NRG1: variants seen among roughly 807,000 people sequenced by gnomAD.
NRG1 encodes pro-neuregulin-1, membrane-bound isoform.
In NRG1, 18 loss-of-function variants were observed where a neutral mutation model predicts 63.8. The observed-to-expected ratio is 0.28, with a 90% CI of 0.19 to 0.42. The LOEUF is 0.42. Among genes scored for constraint, NRG1 ranks in the 10% least tolerant of loss-of-function variants. The pLI is 1.00. For missense variants in NRG1, 762 were observed against 814.7 expected, an observed-to-expected ratio of 0.94 and a Z score of 0.79; for synonymous variants, 302 against 301.3, an observed-to-expected ratio of 1.00 and a Z score of -0.02.
exon 12 of NRG1, chr8:32,766,076 G>T (rs1831407814): frequency 6.6e-6 from 1 of 152,186 alleles, no homozygotes; most frequent in African/African-American, 2.4e-5. Context: ...CATGAAGTCA[G>T]TGAGAGTAAT....
intron 2 of NRG1, among the ~76,000 whole-genome samples, chr8:32,603,818 G>T (rs1349468341): frequency 1.3e-5 from 2 of 152,102 alleles, no homozygotes; most frequent in East Asian, 3.9e-4. Context: ...GACCACCACT[G>T]CCCCTGGTCT....
chr8:31,856,935 T>G (rs34578475), intron 1 of NRG1, among the ~76,000 whole-genome samples: 100,491 of 151,150 alleles, frequency 0.66, 33,787 homozygotes, highest in East Asian at 0.92. Context: ...GGGGGTCAGG[T>G]GTCAGGGACC....
intron 1 of NRG1, among the ~76,000 whole-genome samples, chr8:32,079,292 A>G (rs192334982): frequency 4.0e-4 from 61 of 152,314 alleles, no homozygotes; most frequent in African/African-American, 1.4e-3. Flanking sequence ...TGTTTAAAAG[A>G]TAAAGCAGAT....
intron 5 of NRG1, among the ~76,000 whole-genome samples, chr8:32,640,273 A>G (rs1188389171): frequency 1.3e-5 from 2 of 149,768 alleles, no homozygotes; most frequent in Non-Finnish European, 3.0e-5. Context: ...ACACACACAC[A>G]CGCACGCACA....
chr8:32,154,186 A>C (rs1837808636), intron 1 of NRG1, among the ~76,000 whole-genome samples: 2 of 152,190 alleles, frequency 1.3e-5, no homozygotes, highest in African/African-American at 4.8e-5. Context: ...CTCTGAACCA[A>C]GTGACCTATC....
chr8:32,291,587 G>A (rs1854208703), intron 1 of NRG1, among the ~76,000 whole-genome samples: 1 of 127,354 alleles, frequency 7.9e-6, no homozygotes, highest in Admixed American at 1.0e-4. Context: ...TGCCCATGCT[G>A]GAGTGCAGTG....
chr8:31,650,588 A>G (rs1439663401), intron 1 of NRG1, among the ~76,000 whole-genome samples: 2 of 152,212 alleles, frequency 1.3e-5, no homozygotes, highest in East Asian at 3.9e-4. Context: ...TAATGAAACT[A>G]GTAATGATTC....
At chr8:31,989,710 C>T (rs149717210) in intron 1 of NRG1, among the ~76,000 whole-genome samples, 1 of 152,042 alleles carries the variant, frequency 6.6e-6, no homozygotes, top group African/African-American at 2.4e-5. Flanking sequence ...CCTTCATGCC[C>T]TACTATTTCT....
intron 1 of NRG1, among the ~76,000 whole-genome samples, chr8:31,933,679 A>G (rs1158144435): frequency 6.6e-6 from 1 of 152,208 alleles, no homozygotes; most frequent in East Asian, 1.9e-4. Flanking sequence ...GATTCAGAAC[A>G]AAATCATCTG....
intron 1 of NRG1, among the ~76,000 whole-genome samples, chr8:31,654,349 A>G (rs1367214163): frequency 1.3e-5 from 2 of 152,216 alleles, no homozygotes; most frequent in African/African-American, 4.8e-5. Context: ...ATGGGTTTGA[A>G]GCCGTGTAAC....
intron 1 of NRG1, among the ~76,000 whole-genome samples, chr8:31,706,481 A>G (rs1451335513): frequency 2.0e-5 from 3 of 152,168 alleles, no homozygotes; most frequent in Admixed American, 6.6e-5. Context: ...ATATTTGACT[A>G]GTTTCAAATC....
intron 1 of NRG1, among the ~76,000 whole-genome samples, chr8:32,133,649 C>T (rs991370220): frequency 6.6e-6 from 1 of 152,092 alleles, no homozygotes; most frequent in African/African-American, 2.4e-5. Context: ...ATTAATGCTT[C>T]ATACGAAAAC....
At chr8:31,713,650 C>T (rs1396716125) in intron 1 of NRG1, among the ~76,000 whole-genome samples, 2 of 151,568 alleles carry the variant, frequency 1.3e-5, no homozygotes, top group Non-Finnish European at 2.9e-5. Flanking sequence ...ACAATTTTAG[C>T]ATTGCAGGGT....
intron 1 of NRG1, among the ~76,000 whole-genome samples, chr8:31,652,985 CTCTCCTCTCCTCT>C (rs1805026813): frequency 1.3e-5 from 1 of 78,882 alleles, no homozygotes; most frequent in Non-Finnish European, 2.7e-5. Context: ...CTCTCCTCTC[CTCTCCTCTCCTCT>C]CCTCTCCTCC....
chr8:32,260,376 G>T, intron 1 of NRG1, among the ~76,000 whole-genome samples: 1 of 152,130 alleles, frequency 6.6e-6, no homozygotes, highest in Non-Finnish European at 1.5e-5. Flanking sequence ...GACAAAACAT[G>T]CAACTTTAGA....
chr8:32,178,497 C>T (rs796653223), intron 1 of NRG1, among the ~76,000 whole-genome samples: 7 of 152,288 alleles, frequency 4.6e-5, no homozygotes, highest in African/African-American at 1.7e-4. Context: ...GTAATCCCAG[C>T]TGCTCTGGAG....
At chr8:32,121,131 T>C (rs1833393167) in intron 1 of NRG1, among the ~76,000 whole-genome samples, 2 of 152,062 alleles carry the variant, frequency 1.3e-5, no homozygotes, top group South Asian at 4.1e-4. Context: ...AGGCAAGGCA[T>C]GTTAGTCATT....
chr8:32,282,848 T>TA (rs1020146401), intron 1 of NRG1, among the ~76,000 whole-genome samples: 1 of 152,056 alleles, frequency 6.6e-6, no homozygotes, highest in South Asian at 2.1e-4. Flanking sequence ...TTCATACTTG[T>TA]AAAAAAAGTG....
chr8:32,459,511 T>C lies in NRG1; in HGVS notation c.38-136317T>C, dbSNP rs546173758. ...TTTAGCCAAGTGTGGTGGCTCCCAC[T>C]AGTAATCCCAGCTACTCCAGGAGGC... On this transcript the variant is annotated intron_variant, in intron 1 of 10. Coordinates refer to the NRG1 transcript ENST00000519301. 3.4e-4 allele frequency among the ~76,000 whole-genome samples: 51 copies of C among 151,746 alleles called. 1 individual carries two copies. In the South Asian group the frequency reaches 0.01, roughly 31 times the overall value.
Sources: gnomAD v4.1 joint callset for allele counts (sites outside exome capture counted in the v4.1 genomes callset) on GRCh38, gnomAD v4.1.1 for gene constraint, MANE v1.5 for transcripts, NCBI Gene and HGNC (gene_info 2026-07-23, HGNC 2026-07-21) for gene names.